The following ATXN7 variants were observed in gnomAD, a reference collection of about 807,000 sequenced individuals.
ATXN7 encodes ataxin 7.
Under a neutral mutation model 70.5 loss-of-function variants are expected in ATXN7, and 12 were observed. The observed-to-expected ratio is 0.17, with a 90% confidence interval of 0.11 to 0.28. ATXN7 has a LOEUF of 0.28. ATXN7 is among the 10% of genes least tolerant of loss of function. ATXN7 has a pLI of 1.00. For synonymous variants in ATXN7, 498 were observed against 448.7 expected (o/e 1.11, Z -1.39); for missense variants, 1,256 against 1,131.7 (o/e 1.11, Z -1.58).
chr3:63,966,117 A>T (rs1431401031), intron 5 of ATXN7, among the ~76,000 whole-genome samples: 4 of 152,216 alleles, frequency 2.6e-5, no homozygotes, highest in Admixed American at 2.6e-4. Flanking sequence ...TATTTCGTAC[A>T]ATCACTGTGT....
At chr3:63,964,087 C>G (rs1263916110) in intron 5 of ATXN7, among the ~76,000 whole-genome samples, 2 of 150,918 alleles carry the variant, frequency 1.3e-5, no homozygotes, top group Non-Finnish European at 2.9e-5. Context: ...CACACACACA[C>G]ACACACACAC....
chr3:63,958,847 A>G (rs910485575), intron 5 of ATXN7, among the ~76,000 whole-genome samples: 15 of 152,314 alleles, frequency 9.8e-5, no homozygotes, highest in Middle Eastern at 3.4e-3. Flanking sequence ...ATTCACACAG[A>G]TAAAATATAC....
At chr3:63,904,669 G>A (rs538071293) in intron 2 of ATXN7, 1 of 152,128 alleles carries the variant, frequency 6.6e-6, no homozygotes, top group African/African-American at 2.4e-5. Flanking sequence ...CCACCTTTTG[G>A]CTTTTAGGAA....
intron 1 of ATXN7, among the ~76,000 whole-genome samples, chr3:63,896,144 A>C (rs1176488531): frequency 6.6e-6 from 1 of 152,086 alleles, no homozygotes; most frequent in Non-Finnish European, 1.5e-5. Context: ...AAAAGGGTCA[A>C]CATAGGCTAG....
Position 63,937,909 on chromosome 3 carries a change from G to A in ATXN7, c.395-14470G>A, listed in dbSNP as rs149098509. Among the ~76,000 whole-genome samples the A allele has an allele frequency of 5.9e-5, 9 of 152,274 alleles. No homozygotes were observed. The East Asian group carries it at 1.2e-3, about 20-fold the overall frequency. ...TATACTACAGGGTTGCAAGGATTAC[G>A]TAACATAAAGCATGGAAAGTACTTA... On this transcript the variant is annotated intron_variant, in intron 4 of 12. Transcript: ENST00000674280.
At chr3:63,982,082 C>T (rs1006223161) in intron 6 of ATXN7, 104 bp from the exon 7 acceptor site, 11 of 1,494,372 alleles carry the variant, frequency 7.4e-6, no homozygotes, top group Admixed American at 3.6e-5. Context: ...CCCTGTGCAG[C>T]GCTTGGGTAG....
At chr3:63,998,574 T>G (rs2075796448) in intron 12 of ATXN7, 1 of 985,252 alleles carries the variant, frequency 1.0e-6, no homozygotes, top group African/African-American at 1.7e-5. Context: ...CAGTTTCCAC[T>G]TAAGTTTGTG....
intron 11 of ATXN7, 45 bp downstream of exon 11, chr3:63,990,904 G>C: frequency 6.2e-7 from 1 of 1,610,864 alleles, no homozygotes; most frequent in Non-Finnish European, 8.5e-7. Flanking sequence ...TTTACACAGT[G>C]CTGCATTGTC....
chr3:63,915,060 C>T (rs1056487956), intron 4 of ATXN7, among the ~76,000 whole-genome samples: 7 of 152,036 alleles, frequency 4.6e-5, no homozygotes, highest in African/African-American at 1.5e-4. Flanking sequence ...CTCAGCCTCC[C>T]GAGTAGCTGG....
intron 8 of ATXN7, among the ~76,000 whole-genome samples, chr3:63,987,619 A>G (rs959702933): frequency 1.3e-5 from 2 of 152,298 alleles, no homozygotes; most frequent in South Asian, 4.1e-4. Flanking sequence ...TTTCTGATAC[A>G]TGTTTTATGG....
At chr3:63,878,122 C>G (rs1022516923) in intron 1 of ATXN7, among the ~76,000 whole-genome samples, 5 of 152,186 alleles carry the variant, frequency 3.3e-5, no homozygotes, top group Non-Finnish European at 5.9e-5. Context: ...TTCTCTTCCT[C>G]TCTGCCTGGG....
chr3:63,931,994 A>G (rs567129462), intron 4 of ATXN7, among the ~76,000 whole-genome samples: 2 of 152,332 alleles, frequency 1.3e-5, no homozygotes, highest in South Asian at 2.1e-4. Context: ...AATATTGGCC[A>G]TATTTACCTG....
chr3:63,993,343 C>G (rs1482230447), intron 11 of ATXN7, among the ~76,000 whole-genome samples: 1 of 143,508 alleles, frequency 7.0e-6, no homozygotes, highest in South Asian at 2.2e-4. Flanking sequence ...AAAAGGAAAA[C>G]CAAGGCTGAG....
chr3:63,870,410 G>A (rs1373579804), intron 1 of ATXN7, among the ~76,000 whole-genome samples: 1 of 152,050 alleles, frequency 6.6e-6, no homozygotes, highest in African/African-American at 2.4e-5. Context: ...ACACACGTAT[G>A]TGTGTGTGTG....
chr3:63,943,573 C>G (rs1043097440), intron 4 of ATXN7, among the ~76,000 whole-genome samples: 1 of 152,084 alleles, frequency 6.6e-6, no homozygotes, highest in Non-Finnish European at 1.5e-5. Context: ...GTGTAGTCCT[C>G]CTAGTAGTCT....
At chr3:63,951,689 GCAGA>G (rs963760689) in intron 4 of ATXN7, among the ~76,000 whole-genome samples, 2 of 152,138 alleles carry the variant, frequency 1.3e-5, no homozygotes, top group African/African-American at 4.8e-5. Flanking sequence ...TCATGTATAT[GCAGA>G]CAGTTTAGTT....
At chr3:63,994,952 A>G (rs1281011402) in intron 11 of ATXN7, among the ~76,000 whole-genome samples, 1 of 152,182 alleles carries the variant, frequency 6.6e-6, no homozygotes, top group Non-Finnish European at 1.5e-5. Context: ...GTGGGGCTTT[A>G]TTCCCTTGTT....
At chr3:63,998,602 CTG>C in intron 12 of ATXN7, 40 of 985,376 alleles carry the variant, frequency 4.1e-5, no homozygotes, top group Non-Finnish European at 4.8e-5. Context: ...GAGATTTTCT[CTG>C]TGCAGAGGAA....
Position 64,000,684 on chromosome 3 carries a change from G to C in ATXN7, c.*1217G>C, listed in dbSNP as rs1192685376. Reference sequence around the variant, plus strand: ...TTGGAGAGAATGTAAGTCCTGACCTGAAGGTCTTTTGTGATGCATGTATAG... The same window carrying C: ...TTGGAGAGAATGTAAGTCCTGACCTCAAGGTCTTTTGTGATGCATGTATAG... On this transcript the variant is annotated 3_prime_UTR_variant, in exon 13 of 13. Coordinates refer to ENST00000674280, the MANE Select transcript of ATXN7 (RefSeq NM_001377405.1). 2 of 152,158 alleles carry C rather than the reference G, an allele frequency of 1.3e-5. No individual in the cohort carries two copies. The highest frequency in any genetic ancestry group is 6.5e-5 in the Admixed American group (1 of 15,268). 9.4% of individuals were successfully genotyped at this position (152,158 alleles called of 1,614,324 possible).
Sources: allele counts gnomAD v4.1 joint callset (sites outside exome capture counted in the v4.1 genomes callset), GRCh38; gene constraint gnomAD v4.1.1; transcripts MANE v1.5; gene names NCBI Gene and HGNC (gene_info 2026-07-23, HGNC 2026-07-21).